MDN1: variants seen among roughly 807,000 people sequenced by gnomAD.
MDN1 encodes the protein midasin.
In MDN1, 266 loss-of-function variants were observed where a neutral mutation model predicts 669.2. The ratio of observed to expected loss-of-function variants is 0.40; its 90% CI spans 0.36 to 0.44. The LOEUF (loss-of-function observed/expected upper bound fraction) is 0.44, where lower values mean the gene tolerates loss of function less well. Among genes scored for constraint, MDN1 ranks in the 20% least tolerant of loss-of-function variants. The pLI, the probability that MDN1 is intolerant of heterozygous loss-of-function variation, is 1.00. For synonymous variants in MDN1, 2,385 were observed against 2,457.1 expected (o/e 0.97, Z 0.87); for missense variants, 5,940 against 6,754.0 (o/e 0.88, Z 4.22).
At chr6:89,758,478 A>G (rs1817368832) in intron 18 of MDN1, 127 bp from the exon 19 acceptor site, 1 of 751,934 alleles carries the variant, frequency 1.3e-6, no homozygotes, top group Admixed American at 2.7e-5. Context: ...CCACTGAAAT[A>G]ACTTTCCAGA....
chr6:89,720,580 G>A (rs1374655155), intron 40 of MDN1, among the ~76,000 whole-genome samples: 3 of 152,082 alleles, frequency 2.0e-5, no homozygotes, highest in Non-Finnish European at 4.4e-5. Flanking sequence ...CCTTGAATTG[G>A]AAGAGTGATG....
intron 79 of MDN1, 120 bp from the exon 80 acceptor site, chr6:89,673,582 G>GC: frequency 1.2e-6 from 1 of 829,382 alleles, no homozygotes; most frequent in Non-Finnish European, 1.9e-6. Context: ...AAGGTTTACG[G>GC]CTAAACACAT....
chr6:89,781,911 G>A (rs1035147147), intron 9 of MDN1, among the ~76,000 whole-genome samples: 3 of 152,164 alleles, frequency 2.0e-5, no homozygotes, highest in Admixed American at 1.3e-4. Context: ...TCTGAGACTG[G>A]GAGGTTAAGG....
At chr6:89,817,478 CA>C (rs1768919032) in intron 1 of MDN1, among the ~76,000 whole-genome samples, 1 of 152,080 alleles carries the variant, frequency 6.6e-6, no homozygotes, top group African/African-American at 2.4e-5. Flanking sequence ...TTAGTTGAAA[CA>C]AAGATTAAGA....
chr6:89,761,541 A>C, intron 17 of MDN1, 104 bp downstream of exon 17: 1 of 733,422 alleles, frequency 1.4e-6, no homozygotes, highest in Non-Finnish European at 2.1e-6. Context: ...ATCTTCCCCC[A>C]AAATCATTAT....
chr6:89,678,501 C>T, intron 75 of MDN1, 98 bp downstream of exon 75: 1 of 1,417,334 alleles, frequency 7.1e-7, no homozygotes. Flanking sequence ...TGTCCACCAT[C>T]TCAACTGTCT....
At chr6:89,743,331 A>G in intron 30 of MDN1, 51 bp from the exon 31 acceptor site, 1 of 1,606,194 alleles carries the variant, frequency 6.2e-7, no homozygotes, top group East Asian at 2.2e-5. Flanking sequence ...CTCCACAGAC[A>G]ATATACATGC....
intron 83 of MDN1, among the ~76,000 whole-genome samples, chr6:89,669,095 C>T (rs577893571): frequency 1.1e-4 from 16 of 152,322 alleles, no homozygotes; most frequent in African/African-American, 2.9e-4. Flanking sequence ...GCAGCTGCTA[C>T]GTCTGGGATA....
intron 63 of MDN1, 119 bp from the exon 64 acceptor site, chr6:89,690,953 G>A: frequency 1.6e-6 from 2 of 1,221,002 alleles, no homozygotes; most frequent in Non-Finnish European, 2.2e-6. Context: ...ACAAATAAAA[G>A]CCAACATCCA....
intron 27 of MDN1, 21 bp from the exon 28 acceptor site, chr6:89,745,647 A>G (rs770715393): frequency 1.2e-6 from 2 of 1,608,984 alleles, no homozygotes; most frequent in Admixed American, 3.4e-5. Flanking sequence ...GAGGAGGAAA[A>G]GGAGGAGAGG....
At position 89,748,121 on chromosome 6, in the gene MDN1, T is replaced by G. The variant is rs1362146478; in HGVS notation, c.3763-651A>C. Among the ~76,000 whole-genome samples the G allele has an allele frequency of 4.6e-5, 7 of 151,970 alleles. No individual in the cohort carries two copies. The East Asian group carries it at 7.8e-4, about 17-fold the overall frequency. ...GCGGGCGGATCACAAGGTCAGGAGATCGAGACCATCCTGGTCAATATGGTG... is the reference window on the plus strand; with the variant it reads ...GCGGGCGGATCACAAGGTCAGGAGAGCGAGACCATCCTGGTCAATATGGTG... On this transcript the variant is annotated intron_variant, in intron 26 of 101. Transcript: ENST00000369393.
intron 12 of MDN1, 39 bp downstream of exon 12, chr6:89,776,561 C>A: frequency 6.7e-7 from 1 of 1,502,088 alleles, no homozygotes; most frequent in Non-Finnish European, 9.2e-7. Context: ...AAAATCCTAG[C>A]CTCCTTTCAA....
intron 73 of MDN1, among the ~76,000 whole-genome samples, chr6:89,682,712 A>C (rs1386180012): frequency 2.2e-4 from 32 of 146,090 alleles, no homozygotes; most frequent in Admixed American, 5.5e-4. Flanking sequence ...AAAAAAAAAA[A>C]AAAAAAAAAA....
chr6:89,748,346 G>A (rs1175846416), intron 26 of MDN1, among the ~76,000 whole-genome samples: 3 of 152,076 alleles, frequency 2.0e-5, no homozygotes, highest in Non-Finnish European at 1.5e-5. Context: ...AAAAAGTAAT[G>A]CAAATGGTGG....
At chr6:89,805,935 G>A (rs749626401) in intron 1 of MDN1, among the ~76,000 whole-genome samples, 3 of 151,964 alleles carry the variant, frequency 2.0e-5, no homozygotes, top group Non-Finnish European at 4.4e-5. Context: ...GCCCTCTAAA[G>A]ATACCTTTTT....
chr6:89,650,307 G>A (rs1487193705), intron 96 of MDN1, 109 bp from the exon 97 acceptor site: 3 of 991,820 alleles, frequency 3.0e-6, no homozygotes, highest in Non-Finnish European at 4.4e-6. Context: ...CAAGTAACTA[G>A]GAACCTGGCA....
intron 89 of MDN1, 110 bp from the exon 90 acceptor site, chr6:89,658,480 G>C (rs1809488347): frequency 6.5e-7 from 1 of 1,545,576 alleles, no homozygotes; most frequent in Admixed American, 1.8e-5. Context: ...TCTTAAAACA[G>C]AAACCTAGAA....
chr6:89,648,809 T>A (rs1808653697), intron 97 of MDN1, among the ~76,000 whole-genome samples: 1 of 73,460 alleles, frequency 1.4e-5, no homozygotes, highest in Admixed American at 1.8e-4. Context: ...TGTAACCCTG[T>A]CTTCAAAAAA....
At chr6:89,698,736 C>T in intron 59 of MDN1, 129 bp downstream of exon 59, 1 of 834,576 alleles carries the variant, frequency 1.2e-6, no homozygotes, top group Non-Finnish European at 1.9e-6. Flanking sequence ...TAACATTCTG[C>T]AGAAAGTAAA....
Sources: gnomAD v4.1 joint callset for allele counts (sites outside exome capture counted in the v4.1 genomes callset) on GRCh38, gnomAD v4.1.1 for gene constraint, MANE v1.5 for transcripts, NCBI Gene and HGNC (gene_info 2026-07-23, HGNC 2026-07-21) for gene names.